NALF1: variants seen among roughly 807,000 people sequenced by gnomAD.
NALF1 encodes the protein NALCN channel auxiliary factor 1.
Under a neutral mutation model 48.4 loss-of-function variants are expected in NALF1, and 3 were observed. The ratio of observed to expected loss-of-function variants is 0.06; its 90% confidence interval spans 0.03 to 0.16. NALF1 has a LOEUF of 0.16. Ranked by LOEUF, NALF1 falls within the 10% of genes least tolerant of loss-of-function variation. The pLI, the probability that NALF1 is intolerant of heterozygous loss-of-function variation, is 1.00. For missense variants in NALF1, 526 were observed against 571.5 expected, an observed-to-expected ratio of 0.92 and a Z score of 0.81; for synonymous variants, 262 against 245.7, an observed-to-expected ratio of 1.07 and a Z score of -0.62.
intron 1 of NALF1, among the ~76,000 whole-genome samples, chr13:107,767,200 A>G (rs951673708): frequency 2.6e-5 from 4 of 152,208 alleles, no homozygotes; most frequent in African/African-American, 9.7e-5. Flanking sequence ...AACAACATTG[A>G]AATCTACAAC....
chr13:107,171,773 C>T (rs939639910), intron 2 of NALF1, among the ~76,000 whole-genome samples: 6 of 151,430 alleles, frequency 4.0e-5, no homozygotes, highest in Admixed American at 3.9e-4. Context: ...CTTGACTGAA[C>T]CATTTATCCA....
chr13:107,787,521 T>C (rs1878110589), intron 1 of NALF1, among the ~76,000 whole-genome samples: 1 of 152,236 alleles, frequency 6.6e-6, no homozygotes, highest in Non-Finnish European at 1.5e-5. Flanking sequence ...AAACCTGTTG[T>C]TACGTGGGTC....
intron 2 of NALF1, among the ~76,000 whole-genome samples, chr13:107,188,567 G>A (rs773643354): frequency 1.3e-5 from 2 of 152,112 alleles, no homozygotes; most frequent in African/African-American, 2.4e-5. Context: ...TTATAAACAA[G>A]TAGTTTTTGG....
At chr13:107,202,418 A>T (rs1164178722) in intron 2 of NALF1, among the ~76,000 whole-genome samples, 1 of 149,972 alleles carries the variant, frequency 6.7e-6, no homozygotes, top group Non-Finnish European at 1.5e-5. Context: ...ATTATAAAAT[A>T]GCTATAACAC....
At chr13:107,728,695 A>AAAATAAATAAATAAATAAATAAAT (rs34497886) in intron 1 of NALF1, among the ~76,000 whole-genome samples, 4 of 148,392 alleles carry the variant, frequency 2.7e-5, no homozygotes, top group African/African-American at 9.9e-5. Flanking sequence ...AACTTAAAGT[A>AAAATAAATAAATAAATAAATAAAT]AAATAAATAA....
chr13:107,842,011 T>C (rs1880055056), intron 1 of NALF1, among the ~76,000 whole-genome samples: 1 of 152,112 alleles, frequency 6.6e-6, no homozygotes, highest in African/African-American at 2.4e-5. Context: ...AGAACTCTTT[T>C]AAATTTATTA....
chr13:107,287,543 C>A (rs1247366534), intron 1 of NALF1, among the ~76,000 whole-genome samples: 1 of 152,046 alleles, frequency 6.6e-6, no homozygotes, highest in Non-Finnish European at 1.5e-5. Context: ...ATTTTTACAG[C>A]ATTTCTGAAG....
chr13:107,773,116 A>G (rs571891661), intron 1 of NALF1, among the ~76,000 whole-genome samples: 1 of 152,306 alleles, frequency 6.6e-6, no homozygotes, highest in African/African-American at 2.4e-5. Context: ...AGAAGATGAA[A>G]CAAAGTACTA....
intron 1 of NALF1, among the ~76,000 whole-genome samples, chr13:107,744,389 T>C (rs145200196): frequency 6.6e-6 from 1 of 152,246 alleles, no homozygotes; most frequent in East Asian, 1.9e-4. Flanking sequence ...GACAAATAAG[T>C]AAGCGAAGTG....
intron 1 of NALF1, among the ~76,000 whole-genome samples, chr13:107,283,372 G>C (rs1881426667): frequency 6.6e-6 from 1 of 151,968 alleles, no homozygotes; most frequent in Non-Finnish European, 1.5e-5. Context: ...TCAAAAACAA[G>C]GAGAAACTGC....
At chr13:107,223,140 T>C (rs1226559089) in intron 1 of NALF1, among the ~76,000 whole-genome samples, 1 of 152,248 alleles carries the variant, frequency 6.6e-6, no homozygotes, top group East Asian at 1.9e-4. Flanking sequence ...TTCTTTGTTC[T>C]GGTTGGCATA....
At chr13:107,461,708 G>A (rs772438640) in intron 1 of NALF1, among the ~76,000 whole-genome samples, 27 of 152,262 alleles carry the variant, frequency 1.8e-4, no homozygotes, top group Admixed American at 1.2e-3. Flanking sequence ...GGCATATACC[G>A]TAGGTCTAGA....
At chr13:107,637,830 A>G (rs1477763709) in intron 1 of NALF1, among the ~76,000 whole-genome samples, 1 of 151,986 alleles carries the variant, frequency 6.6e-6, no homozygotes, top group African/African-American at 2.4e-5. Context: ...AAACCTACAC[A>G]TGTTACATGG....
intron 1 of NALF1, among the ~76,000 whole-genome samples, chr13:107,575,206 T>A (rs942367356): frequency 6.6e-6 from 1 of 152,026 alleles, no homozygotes; most frequent in Non-Finnish European, 1.5e-5. Flanking sequence ...AGAACTTTGG[T>A]GAATTTTTCA....
At chr13:107,508,841 TA>T (rs903013727) in intron 1 of NALF1, among the ~76,000 whole-genome samples, 16 of 146,860 alleles carry the variant, frequency 1.1e-4, no homozygotes, top group African/African-American at 2.5e-4. Context: ...TTTCACTTAT[TA>T]AAAAAAAAAC....
chr13:107,254,990 T>A (rs1880784173), intron 1 of NALF1, among the ~76,000 whole-genome samples: 1 of 152,190 alleles, frequency 6.6e-6, no homozygotes, highest in Non-Finnish European at 1.5e-5. Context: ...CAATATAAGA[T>A]TGTTAAACTC....
At chr13:107,561,316 C>T (rs985074854) in intron 1 of NALF1, among the ~76,000 whole-genome samples, 1 of 152,078 alleles carries the variant, frequency 6.6e-6, no homozygotes, top group African/African-American at 2.4e-5. Flanking sequence ...TCTGAAATGC[C>T]TCCTCAGCTT....
chr13:107,213,398 G>C (rs540057677), intron 1 of NALF1, among the ~76,000 whole-genome samples: 1 of 152,012 alleles, frequency 6.6e-6, no homozygotes, highest in African/African-American at 2.4e-5. Flanking sequence ...CGACCTCTCC[G>C]GCCAGGCTCC....
chr13:107,241,387 GGAAGC>G (rs1219499351), intron 1 of NALF1, among the ~76,000 whole-genome samples: 3 of 152,174 alleles, frequency 2.0e-5, no homozygotes, highest in Non-Finnish European at 4.4e-5. Flanking sequence ...GGGTCATAGA[GGAAGC>G]TGCGATAATA....
Sources: gnomAD v4.1 joint callset for allele counts (sites outside exome capture counted in the v4.1 genomes callset) on GRCh38, gnomAD v4.1.1 for gene constraint, MANE v1.5 for transcripts, NCBI Gene and HGNC (gene_info 2026-07-23, HGNC 2026-07-21) for gene names.